Variants in CSMD2 observed in about 807,000 individuals in gnomAD.
CSMD2 encodes the protein CUB and Sushi multiple domains 2, also known as CUB and sushi domain-containing protein 2.
A neutral mutation model predicts 398.5 loss-of-function variants in CSMD2; 130 were observed. The ratio of observed to expected loss-of-function variants is 0.33; its 90% CI spans 0.28 to 0.38. CSMD2 has a LOEUF of 0.38. Among genes scored for constraint, CSMD2 ranks in the 10% least tolerant of loss-of-function variants. CSMD2 has a pLI of 1.00. For synonymous variants in CSMD2, 1,828 were observed against 1,908.5 expected (o/e 0.96, Z 1.10); for missense variants, 3,829 against 4,764.9 (o/e 0.80, Z 5.78).
At position 33,622,896 on chromosome 1, in the gene CSMD2, A is replaced by T. The variant is rs1641864775; in HGVS notation, c.5722+474T>A. On this transcript the variant is annotated intron_variant, in intron 36 of 70. Coordinates refer to ENST00000373381, the MANE Select transcript of CSMD2 (RefSeq NM_001281956.2). ...AGACTTGTGCATGAGCATTATTCAT[A>T]ACAGCACAAAAGTGGAAACAAGCCA... Among the ~76,000 whole-genome samples the T allele has an allele frequency of 7.2e-5, 11 of 152,264 alleles. No homozygotes were observed. The South Asian group carries it at 2.3e-3, about 32-fold the overall frequency.
intron 56 of CSMD2, among the ~76,000 whole-genome samples, chr1:33,546,781 C>T (rs931655845): frequency 3.9e-5 from 6 of 151,940 alleles, no homozygotes; most frequent in Admixed American, 1.3e-4. Flanking sequence ...ACTGGCTCCC[C>T]GATGCCATAG....
intron 13 of CSMD2, among the ~76,000 whole-genome samples, chr1:33,760,225 A>T (rs892616992): frequency 6.6e-6 from 1 of 152,116 alleles, no homozygotes; most frequent in African/African-American, 2.4e-5. Flanking sequence ...CCAGGTGCTT[A>T]CCCCGGCCTT....
In CSMD2 at chr1:33,769,267, T is replaced by G. The variant is rs112108941; in HGVS notation, c.1846+3302A>C. 1.8e-3 allele frequency among the ~76,000 whole-genome samples: 270 copies of G among 152,334 alleles called. 2 individuals carry two copies. Among genetic ancestry groups the G allele is most frequent in the African/African-American group, 6.0e-3 (250 of 41,570 alleles). ...AGAATATATGCAGCCTGGCCAAAGC[T>G]TTCCCACCATGACAGCCAGGATGAG... is the stretch of plus-strand genomic sequence containing the variant. On this transcript the variant is annotated intron_variant, in intron 13 of 70. Coordinates refer to ENST00000373381, the MANE Select transcript of CSMD2 (RefSeq NM_001281956.2).
chr1:33,774,311 A>C (rs1202544195), intron 12 of CSMD2, among the ~76,000 whole-genome samples: 1 of 152,044 alleles, frequency 6.6e-6, no homozygotes, highest in East Asian at 1.9e-4. Context: ...TCTGCTGAAA[A>C]CATAGCTGAA....
intron 1 of CSMD2, among the ~76,000 whole-genome samples, chr1:34,143,512 C>T (rs937895216): frequency 6.6e-6 from 1 of 152,130 alleles, no homozygotes; most frequent in Non-Finnish European, 1.5e-5. Flanking sequence ...TTTAAATTAT[C>T]TGTGTAATTA....
intron 64 of CSMD2, among the ~76,000 whole-genome samples, chr1:33,528,560 T>C (rs1423530633): frequency 1.3e-5 from 2 of 152,226 alleles, no homozygotes; most frequent in Admixed American, 6.5e-5. Flanking sequence ...TTTCATAAGA[T>C]GAATGGAGCA....
In CSMD2 at chr1:34,135,250, A is replaced by T. The variant is rs796311747; in HGVS notation, c.187+29661T>A. On this transcript the variant is annotated intron_variant, in intron 1 of 70. Coordinates refer to ENST00000373381, the MANE Select transcript of CSMD2 (RefSeq NM_001281956.2). The stretch of plus-strand genomic sequence containing the variant: ...CTGCCCTCATGTTGAAATCACACAC[A>T]CACACACACACACACACACACACAC... 7.9e-3 allele frequency among the ~76,000 whole-genome samples: 1,102 copies of T among 139,384 alleles called. 5 individuals are homozygous for T. Among genetic ancestry groups the T allele is most frequent in the East Asian group, 0.029 (145 of 4,984 alleles). The allele number at this position is 139,384 out of a possible 152,430, so 91.4% of individuals were successfully genotyped here. A position where few individuals can be genotyped will look rare whatever the true frequency, so the allele number is the denominator to read the frequency against.
At chr1:34,042,531 CCCA>C (rs1355732919) in intron 2 of CSMD2, among the ~76,000 whole-genome samples, 1 of 152,182 alleles carries the variant, frequency 6.6e-6, no homozygotes, top group African/African-American at 2.4e-5. Flanking sequence ...GTGATAAACC[CCCA>C]CTTTTCATAA....
intron 6 of CSMD2, among the ~76,000 whole-genome samples, chr1:33,830,210 A>G (rs1659359878): frequency 6.6e-6 from 1 of 152,222 alleles, no homozygotes; most frequent in African/African-American, 2.4e-5. Flanking sequence ...TGCCTCCTCA[A>G]GTGGGTCCCT....
At chr1:34,048,127 G>A (rs1396669579) in intron 2 of CSMD2, among the ~76,000 whole-genome samples, 1 of 151,286 alleles carries the variant, frequency 6.6e-6, no homozygotes, top group African/African-American at 2.4e-5. Context: ...CTTTGAGGAA[G>A]AGAGGTCGTC....
intron 52 of CSMD2, 144 bp downstream of exon 52, chr1:33,569,230 A>G: frequency 1.2e-6 from 1 of 824,456 alleles, no homozygotes; most frequent in Non-Finnish European, 1.8e-6. Context: ...GTCATGCCTG[A>G]TGGCCAATAG....
At chr1:33,570,664 T>C (rs61799673) in intron 51 of CSMD2, among the ~76,000 whole-genome samples, 6,968 of 152,262 alleles carry the variant, frequency 0.046, 212 homozygotes, top group Non-Finnish European at 0.074. Flanking sequence ...GAGGGACTTA[T>C]TTCCCCAGCT....
intron 5 of CSMD2, among the ~76,000 whole-genome samples, chr1:33,901,569 A>G (rs564814474): frequency 2.0e-5 from 3 of 152,190 alleles, no homozygotes; most frequent in Non-Finnish European, 4.4e-5. Flanking sequence ...ACAGGTCCCA[A>G]TGCATCTAAA....
At chr1:33,825,493 A>T (rs10914785) in intron 7 of CSMD2, among the ~76,000 whole-genome samples, 1 of 152,168 alleles carries the variant, frequency 6.6e-6, no homozygotes, top group African/African-American at 2.4e-5. Context: ...GAAAATGGGA[A>T]GAGGAGGAGG....
At chr1:33,865,686 T>C (rs369583940) in intron 5 of CSMD2, among the ~76,000 whole-genome samples, 1 of 152,182 alleles carries the variant, frequency 6.6e-6, no homozygotes, top group African/African-American at 2.4e-5. Context: ...TGCCATCTCA[T>C]AGGGCCCAAG....
intron 3 of CSMD2, among the ~76,000 whole-genome samples, chr1:33,939,181 T>C (rs1199183927): frequency 3.9e-5 from 6 of 152,178 alleles, no homozygotes; most frequent in African/African-American, 1.4e-4. Context: ...TACTTGGTAC[T>C]TCCCATGATC....
chr1:34,092,649 A>T (rs1198326576), intron 1 of CSMD2, among the ~76,000 whole-genome samples: 1 of 152,162 alleles, frequency 6.6e-6, no homozygotes, highest in Admixed American at 6.5e-5. Context: ...GGGGTGACGG[A>T]CGGCACCTGG....
intron 48 of CSMD2, among the ~76,000 whole-genome samples, chr1:33,578,213 T>C (rs1344178521): frequency 6.6e-6 from 1 of 152,220 alleles, no homozygotes; most frequent in Non-Finnish European, 1.5e-5. Flanking sequence ...CATTCATTTA[T>C]TCAACAAATA....
chr1:33,529,391 C>G (rs562857377), intron 64 of CSMD2, among the ~76,000 whole-genome samples: 35 of 152,226 alleles, frequency 2.3e-4, no homozygotes, highest in African/African-American at 8.4e-4. Flanking sequence ...AAACCTACTA[C>G]AAAGCTAAAG....
Sources: allele counts gnomAD v4.1 joint callset (sites outside exome capture counted in the v4.1 genomes callset), GRCh38; gene constraint gnomAD v4.1.1; transcripts MANE v1.5; gene names NCBI Gene and HGNC (gene_info 2026-07-23, HGNC 2026-07-21).